Variants in CPQ observed in about 807,000 individuals in gnomAD.
The protein encoded by CPQ is Ser-Met dipeptidase.
A neutral mutation model predicts 45.7 loss-of-function variants in CPQ; 37 were observed. That is an observed-to-expected ratio of 0.81 (90% CI 0.62 to 1.07). CPQ has a LOEUF of 1.07. Among genes scored for constraint, CPQ ranks in the 50% least tolerant of loss-of-function variants. The pLI, the probability that CPQ is intolerant of heterozygous loss-of-function variation, is 0.00. For synonymous variants in CPQ, 186 were observed against 205.8 expected, an observed-to-expected ratio of 0.90 and a Z score of 0.82; for missense variants, 537 against 572.9, an observed-to-expected ratio of 0.94 and a Z score of 0.64.
At chr8:96,719,925 T>TA (rs1459130421) in intron 1 of CPQ, among the ~76,000 whole-genome samples, 3 of 152,168 alleles carry the variant, frequency 2.0e-5, no homozygotes, top group African/African-American at 4.8e-5. Context: ...TCAGGGGACT[T>TA]ACGGTTTTCT....
chr8:96,762,238 T>C (rs1260210060), intron 1 of CPQ, among the ~76,000 whole-genome samples: 1 of 152,208 alleles, frequency 6.6e-6, no homozygotes, highest in Non-Finnish European at 1.5e-5. Context: ...TATGTTTGAA[T>C]GAAGGCACTG....
At chr8:96,926,868 C>T (rs904017839) in intron 4 of CPQ, among the ~76,000 whole-genome samples, 1 of 151,980 alleles carries the variant, frequency 6.6e-6, no homozygotes, top group East Asian at 1.9e-4. Context: ...TGATGTTCCC[C>T]TCCCTGTGTC....
At chr8:96,883,065 CATA>C (rs779170619) in intron 4 of CPQ, among the ~76,000 whole-genome samples, 1 of 152,170 alleles carries the variant, frequency 6.6e-6, no homozygotes, top group Non-Finnish European at 1.5e-5. Flanking sequence ...TTTCACTCAG[CATA>C]ATGCTTTTGA....
At chr8:96,984,479 C>G (rs1304943734) in intron 5 of CPQ, among the ~76,000 whole-genome samples, 1 of 152,124 alleles carries the variant, frequency 6.6e-6, no homozygotes, top group African/African-American at 2.4e-5. Context: ...CTTCTGTCTT[C>G]TATGTGAGGA....
rs574416180 is a variant in CPQ, at chr8:96,702,794, T to G, written c.-35+57392T>G. On this transcript the variant is annotated intron_variant, in intron 1 of 7. Transcript: ENST00000220763. ...TCCCCTTTCTCCTTCTGTAAACAAG[T>G]GTCTTCTTTGAGGTGTATTTAGTGT... Among the ~76,000 whole-genome samples the G allele has an allele frequency of 3.3e-5, 5 of 152,274 alleles. No homozygotes were observed. In the South Asian group the frequency reaches 1.0e-3, roughly 32 times the overall value.
At chr8:97,020,858 C>A (rs1809667344) in intron 5 of CPQ, among the ~76,000 whole-genome samples, 1 of 151,950 alleles carries the variant, frequency 6.6e-6, no homozygotes, top group Non-Finnish European at 1.5e-5. Flanking sequence ...GGGAACAGTC[C>A]CTAAATCATT....
intron 1 of CPQ, among the ~76,000 whole-genome samples, chr8:96,709,373 T>C (rs934269386): frequency 6.6e-6 from 1 of 151,630 alleles, no homozygotes; most frequent in Non-Finnish European, 1.5e-5. Context: ...CCTGAGTTAC[T>C]TTACTTGGAA....
At chr8:96,921,050 C>G (rs528129069) in intron 4 of CPQ, among the ~76,000 whole-genome samples, 2 of 152,256 alleles carry the variant, frequency 1.3e-5, no homozygotes, top group East Asian at 3.9e-4. Flanking sequence ...TTGAACTTCA[C>G]CCAATCCTAT....
At chr8:96,853,878 A>G (rs1045431136) in intron 3 of CPQ, among the ~76,000 whole-genome samples, 2 of 152,194 alleles carry the variant, frequency 1.3e-5, no homozygotes, top group African/African-American at 4.8e-5. Flanking sequence ...GTAACGCCAT[A>G]CTTATCTGGA....
chr8:96,767,211 G>C (rs1240957601), intron 1 of CPQ, among the ~76,000 whole-genome samples: 2 of 152,126 alleles, frequency 1.3e-5, no homozygotes, highest in Admixed American at 1.3e-4. Context: ...GAAGTAGGAC[G>C]GTCCTTCACA....
At chr8:96,700,046 A>G (rs1485359094) in intron 1 of CPQ, among the ~76,000 whole-genome samples, 1 of 152,182 alleles carries the variant, frequency 6.6e-6, no homozygotes, top group East Asian at 1.9e-4. Context: ...GAGTGTCAAC[A>G]GGAGACTGGC....
At chr8:96,984,696 A>C (rs1186164868) in intron 5 of CPQ, among the ~76,000 whole-genome samples, 1 of 152,184 alleles carries the variant, frequency 6.6e-6, no homozygotes, top group African/African-American at 2.4e-5. Context: ...TGGCTTTGCC[A>C]CTTACTGGCT....
At chr8:96,863,649 T>C (rs775644909) in intron 3 of CPQ, among the ~76,000 whole-genome samples, 1 of 152,136 alleles carries the variant, frequency 6.6e-6, no homozygotes, top group Non-Finnish European at 1.5e-5. Flanking sequence ...TTTGCTTCAT[T>C]AATGAATACA....
chr8:96,776,438 A>G (rs746474666), intron 1 of CPQ, among the ~76,000 whole-genome samples: 11 of 152,218 alleles, frequency 7.2e-5, no homozygotes, highest in Admixed American at 3.3e-4. Flanking sequence ...TAAAAGATCA[A>G]TAAATCTCAG....
intron 7 of CPQ, among the ~76,000 whole-genome samples, chr8:97,120,857 T>C (rs1439680123): frequency 1.3e-5 from 2 of 152,238 alleles, no homozygotes; most frequent in Non-Finnish European, 2.9e-5. Flanking sequence ...ATAAGCTAAC[T>C]GGCCTTTTGA....
At chr8:96,985,904 T>C (rs540178085) in intron 5 of CPQ, among the ~76,000 whole-genome samples, 1 of 152,346 alleles carries the variant, frequency 6.6e-6, no homozygotes, top group East Asian at 1.9e-4. Context: ...ATTTAGTTTA[T>C]TTGGGGTACC....
chr8:96,775,035 A>G (rs146221027), intron 1 of CPQ, among the ~76,000 whole-genome samples: 43 of 152,314 alleles, frequency 2.8e-4, no homozygotes, highest in African/African-American at 1.0e-3. Context: ...GGGACTTGCC[A>G]TCATGGTTAT....
At chr8:96,708,243 G>A (rs947076621) in intron 1 of CPQ, among the ~76,000 whole-genome samples, 2 of 151,946 alleles carry the variant, frequency 1.3e-5, no homozygotes, top group Non-Finnish European at 2.9e-5. Flanking sequence ...GATAATCCAA[G>A]ATAGTCTCCT....
chr8:96,813,170 T>C (rs1242675143), intron 2 of CPQ, among the ~76,000 whole-genome samples: 2 of 152,174 alleles, frequency 1.3e-5, no homozygotes, highest in African/African-American at 2.4e-5. Flanking sequence ...GCATAACTTT[T>C]ACCACTTCCT....
Sources: allele counts gnomAD v4.1 joint callset (sites outside exome capture counted in the v4.1 genomes callset), GRCh38; gene constraint gnomAD v4.1.1; transcripts MANE v1.5; gene names NCBI Gene and HGNC (gene_info 2026-07-23, HGNC 2026-07-21).